TECRL: variants seen among roughly 807,000 people sequenced by gnomAD.
The protein encoded by TECRL is trans-2,3-enoyl-CoA reductase-like.
Under a neutral mutation model 52.8 loss-of-function variants are expected in TECRL, and 63 were observed. The observed-to-expected ratio is 1.19, with a 90% CI of 0.97 to 1.47. The LOEUF (loss-of-function observed/expected upper bound fraction) is 1.47. Ranked by LOEUF, TECRL falls within the 40% of genes most tolerant of loss-of-function variation. TECRL has a pLI of 0.00. For missense variants in TECRL, 482 were observed against 429.6 expected (o/e 1.12, Z -1.08); for synonymous variants, 164 against 141.9 (o/e 1.16, Z -1.10).
chr4:64,297,229 C>T (rs1262946980), intron 8 of TECRL, among the ~76,000 whole-genome samples: 1 of 151,322 alleles, frequency 6.6e-6, no homozygotes, highest in African/African-American at 2.4e-5. Flanking sequence ...TAACAGTCTA[C>T]AAAATAGATT....
chr4:64,386,751 T>C (rs545302168), intron 1 of TECRL, among the ~76,000 whole-genome samples: 7 of 152,268 alleles, frequency 4.6e-5, no homozygotes, highest in Non-Finnish European at 8.8e-5. Context: ...ATTTGTTTTG[T>C]TTTGCGTTAT....
At chr4:64,402,753 G>A (rs1317373216) in intron 1 of TECRL, among the ~76,000 whole-genome samples, 2 of 151,978 alleles carry the variant, frequency 1.3e-5, no homozygotes, top group Non-Finnish European at 2.9e-5. Flanking sequence ...TGTGAATTGG[G>A]GTACATAAGA....
intron 8 of TECRL, among the ~76,000 whole-genome samples, chr4:64,295,241 TA>T (rs1723613502): frequency 6.6e-6 from 1 of 151,548 alleles, no homozygotes; most frequent in East Asian, 1.9e-4. Flanking sequence ...GGTAAGACTC[TA>T]AATAAAAGTT....
At chr4:64,338,312 C>G (rs560241928) in intron 2 of TECRL, among the ~76,000 whole-genome samples, 1 of 152,056 alleles carries the variant, frequency 6.6e-6, no homozygotes, top group African/African-American at 2.4e-5. Context: ...CATGTTAGAC[C>G]TAAAACCATA....
At chr4:64,297,416 T>A (rs887174417) in intron 8 of TECRL, among the ~76,000 whole-genome samples, 1 of 151,130 alleles carries the variant, frequency 6.6e-6, no homozygotes, top group African/African-American at 2.4e-5. Flanking sequence ...TAAGAATAAG[T>A]TTTGTTAATA....
At chr4:64,282,557 C>T (rs769712100) in intron 9 of TECRL, among the ~76,000 whole-genome samples, 2 of 151,594 alleles carry the variant, frequency 1.3e-5, no homozygotes, top group Non-Finnish European at 2.9e-5. Context: ...GTGTAATGTC[C>T]TATATTAATA....
At chr4:64,325,534 T>A (rs1170434422) in intron 3 of TECRL, among the ~76,000 whole-genome samples, 1 of 152,098 alleles carries the variant, frequency 6.6e-6, no homozygotes, top group Non-Finnish European at 1.5e-5. Flanking sequence ...TAAATGATAG[T>A]TTTTTTATAC....
intron 11 of TECRL, among the ~76,000 whole-genome samples, 169 bp from the exon 12 acceptor site, chr4:64,280,368 C>T (rs541417058): frequency 8.6e-5 from 13 of 151,876 alleles, no homozygotes; most frequent in Non-Finnish European, 1.3e-4. Context: ...CAATCAATAT[C>T]GCATGAATGA....
chr4:64,322,886 A>T (rs1718005428), intron 3 of TECRL, 94 bp from the exon 4 acceptor site: 1 of 856,040 alleles, frequency 1.2e-6, no homozygotes, highest in Admixed American at 3.1e-5. Flanking sequence ...AAAGCTAAAG[A>T]TTAATTTAAT....
chr4:64,327,784 A>G (rs1201272210), intron 3 of TECRL, among the ~76,000 whole-genome samples: 1 of 151,970 alleles, frequency 6.6e-6, no homozygotes, highest in Non-Finnish European at 1.5e-5. Flanking sequence ...AGAGAGGGCA[A>G]CCTAAATATT....
At chr4:64,397,179 G>A (rs1426514148) in intron 1 of TECRL, among the ~76,000 whole-genome samples, 1 of 152,002 alleles carries the variant, frequency 6.6e-6, no homozygotes, top group Admixed American at 6.6e-5. Context: ...TCTATGTAGG[G>A]AGATTGCCTT....
intron 1 of TECRL, among the ~76,000 whole-genome samples, chr4:64,379,231 A>AACACACACACACATACACACACACAC (rs1722607455): frequency 1.7e-5 from 2 of 115,002 alleles, no homozygotes; most frequent in African/African-American, 6.6e-5. Context: ...TATTTATGCA[A>AACACACACACACATACACACACACAC]ACACACACAC....
At chr4:64,289,640 GAAGTA>G in intron 9 of TECRL, 65 bp downstream of exon 9, 2 of 1,173,374 alleles carry the variant, frequency 1.7e-6, no homozygotes, top group Admixed American at 3.3e-5. Flanking sequence ...AAGATTTTTT[GAAGTA>G]AGATTATAAA....
intron 2 of TECRL, among the ~76,000 whole-genome samples, chr4:64,336,332 T>C (rs1560508739): frequency 1.3e-5 from 2 of 152,218 alleles, no homozygotes; most frequent in Admixed American, 1.3e-4. Context: ...GATGGTAGTT[T>C]GTATTTCTGT....
intron 1 of TECRL, among the ~76,000 whole-genome samples, chr4:64,378,190 A>G (rs1722531101): frequency 6.6e-6 from 1 of 152,130 alleles, no homozygotes; most frequent in Non-Finnish European, 1.5e-5. Flanking sequence ...TGAAGACACA[A>G]GGAAGAAAAT....
Position 64,305,225 on chromosome 4 carries a change from T to C in TECRL, c.671A>G (p.Tyr224Cys). ...LKNLIMSCAFYWGFTSWIAYY... is the reference protein window; with the variant it reads ...LKNLIMSCAFCWGFTSWIAYY... ...GGCAATCCAAGAAGTAAATCCCCAG[T>C]AAAAGGCACAACTCTGCAAACAAAA... The change falls in exon 7 of 12, where the codon TAC becomes TGC. Residue 224 changes from tyrosine to cysteine, a missense_variant. Coordinates refer to ENST00000381210, the MANE Select transcript of TECRL (RefSeq NM_001010874.5). The C allele has an allele frequency of 6.2e-7, 1 of 1,612,830 alleles. No individual in the cohort carries two copies. Among genetic ancestry groups the C allele is most frequent in the South Asian group, 1.1e-5 (1 of 91,028 alleles).
intron 8 of TECRL, among the ~76,000 whole-genome samples, chr4:64,297,248 A>T (rs1308001273): frequency 6.6e-6 from 1 of 151,430 alleles, no homozygotes; most frequent in African/African-American, 2.4e-5. Flanking sequence ...TTAATCTGAC[A>T]TGGGTAATCG....
intron 1 of TECRL, among the ~76,000 whole-genome samples, chr4:64,384,570 C>T (rs1577972368): frequency 6.6e-6 from 1 of 152,032 alleles, no homozygotes; most frequent in African/African-American, 2.4e-5. Flanking sequence ...TTCTCAGGCC[C>T]CCTAGAATGC....
chr4:64,408,248 T>G (rs1005474452), intron 1 of TECRL, among the ~76,000 whole-genome samples: 2 of 151,930 alleles, frequency 1.3e-5, no homozygotes, highest in Non-Finnish European at 2.9e-5. Context: ...AAAAACGGAA[T>G]GATTGATTGC....
Sources: gnomAD v4.1 joint callset for allele counts (sites outside exome capture counted in the v4.1 genomes callset) on GRCh38, gnomAD v4.1.1 for gene constraint, MANE v1.5 for transcripts, NCBI Gene and HGNC (gene_info 2026-07-23, HGNC 2026-07-21) for gene names.